SRCAP: variants seen among roughly 807,000 people sequenced by gnomAD.
SRCAP encodes Snf2 related CREBBP activator protein, also known as chromatin remodeling protein SRCAP.
SRCAP carries 46 observed loss-of-function variants against 263.1 expected under a neutral mutation model. That is an observed-to-expected ratio of 0.17 (90% CI 0.14 to 0.22). SRCAP has a LOEUF of 0.22. Among genes scored for constraint, SRCAP ranks in the 10% least tolerant of loss-of-function variants. The probability of loss-of-function intolerance (pLI) is 1.00; values close to 1 mark genes in which losing one functional copy is unlikely to be tolerated. For synonymous variants in SRCAP, 1,813 were observed against 1,662.1 expected (o/e 1.09, Z -2.21); for missense variants, 3,695 against 4,181.9 (o/e 0.88, Z 3.21).
chr16:30,710,267 C>T, intron 8 of SRCAP, 139 bp downstream of exon 8: 1 of 928,330 alleles, frequency 1.1e-6, no homozygotes, highest in Non-Finnish European at 1.6e-6. Flanking sequence ...TTGGGGATGA[C>T]TGGGGAAGAA....
At chr16:30,719,915 G>A (rs2052993264) in intron 18 of SRCAP, among the ~76,000 whole-genome samples, 1 of 152,278 alleles carries the variant, frequency 6.6e-6, no homozygotes, top group Admixed American at 6.5e-5. Flanking sequence ...CTCAGGTTGT[G>A]AGCATGGTAC....
At chr16:30,735,983 T>TA (rs2053157603) in intron 31 of SRCAP, among the ~76,000 whole-genome samples, 1 of 151,058 alleles carries the variant, frequency 6.6e-6, no homozygotes, top group South Asian at 2.1e-4. Context: ...ATCTCAAAAA[T>TA]ACTCATTTTT....
chr16:30,724,520 C>T lies in SRCAP; in HGVS notation c.5096C>T (p.Thr1699Ile). The T allele has an allele frequency of 6.2e-7, 1 of 1,614,220 alleles. No individual in the cohort carries two copies. The highest frequency in any genetic ancestry group is 1.6e-4 in the Middle Eastern group (1 of 6,062). Residue 1699 changes from threonine to isoleucine, a missense_variant, in exon 25 of 34, where the codon ACA (threonine) becomes ATA (isoleucine). By Grantham distance (89) the Thr-to-Ile change is moderately conservative. This residue lies in a region of SRCAP where 1,347 missense variants were observed against 1,304.4 expected (regional missense o/e 1.03). Transcript: ENST00000262518. ...CTTGGAGGCTCATCTCCATCTCAGA[C>T]ACTCTCTTTGGGAACGGGGAACCCC... ...PTLGGSSPSQ[T>I]LSLGTGNPQG...
chr16:30,739,370 G>T lies in SRCAP; in HGVS notation c.9330G>T (p.Val3110=), dbSNP rs1328966696. Residue 3110 remains valine (V), a synonymous_variant, in exon 34 of 34, where the codon GTG becomes GTT. Transcript: ENST00000262518. ...GPGGLELTPP[V]VSLTPKLRST... ...GCGGGTTGGAATTGACACCACCTGTGGTCTCACTAACCCCAAAACTGCGCT... is the reference window on the plus strand; with the variant it reads ...GCGGGTTGGAATTGACACCACCTGTTGTCTCACTAACCCCAAAACTGCGCT... 5 of 1,614,188 alleles carry T rather than the reference G, an allele frequency of 3.1e-6. No homozygotes were observed. Among genetic ancestry groups the T allele is most frequent in the South Asian group, 1.1e-5 (1 of 91,090 alleles).
At position 30,724,642 on chromosome 16, in the gene SRCAP, C is replaced by T. The variant is rs1461087565; in HGVS notation, c.5218C>T (p.Leu1740=). The stretch of plus-strand genomic sequence containing the variant: ...ACTGTCTTTGGCACCAGGACCACCA[C>T]TGGGTCCAACTCAGACGCTGTCTCT... ...QTLSLAPGPP[L]GPTQTLSLAP... is the part of the protein sequence containing the mutation. Residue 1740 remains leucine, a synonymous_variant, in exon 25 of 34, where the codon CTG becomes TTG. Coordinates refer to ENST00000262518, the MANE Select transcript of SRCAP (RefSeq NM_006662.3). 3.1e-6 allele frequency: 5 copies of T among 1,614,220 alleles called. No individual in the cohort carries two copies. Among genetic ancestry groups the T allele is most frequent in the Non-Finnish European group, 4.2e-6 (5 of 1,180,042 alleles).
chr16:30,723,499 G>C (rs2053031444), intron 24 of SRCAP, 85 bp from the exon 25 acceptor site: 1 of 1,523,690 alleles, frequency 6.6e-7, no homozygotes, highest in East Asian at 2.3e-5. Context: ...GAAATGGGAA[G>C]CTTGGGGGTA....
At position 30,723,782 on chromosome 16, in the gene SRCAP, C is replaced by T; in HGVS notation, c.4358C>T (p.Ala1453Val). 1 of 1,614,128 alleles carries T rather than the reference C, an allele frequency of 6.2e-7. No homozygotes were observed. The highest frequency in any genetic ancestry group is 1.1e-5 in the South Asian group (1 of 91,082). The change falls in exon 25 of 34, where the codon GCT (alanine) becomes GTT (valine). Residue 1453 changes from alanine to valine, a missense_variant. Ala to Val is a moderately conservative substitution (Grantham distance 64). Coordinates refer to ENST00000262518, the MANE Select transcript of SRCAP (RefSeq NM_006662.3). ...VPTTLPAPASAPLTIPISAPL... is the reference protein window; with the variant it reads ...VPTTLPAPASVPLTIPISAPL... ...ACCACACTTCCTGCCCCAGCCTCGG[C>T]TCCACTCACCATCCCCATCTCAGCC...
chr16:30,737,642 G>T lies in SRCAP; in HGVS notation c.7602G>T (p.Val2534=). 6.2e-7 allele frequency: 1 copy of T among 1,613,950 alleles called. No individual in the cohort carries two copies. The change falls in exon 34 of 34, where the codon GTG becomes GTT. Residue 2534 remains valine (V), a synonymous_variant. Transcript: ENST00000262518. ...SSPLLLGPPS[V]PISASVTNLP... is the part of the protein sequence containing the mutation. ...CTCTCTTGCTTGGTCCACCTTCTGT[G>T]CCCATCTCTGCCTCAGTCACTAATC...
intron 30 of SRCAP, 76 bp downstream of exon 30, chr16:30,734,084 A>G: frequency 7.4e-7 from 1 of 1,345,062 alleles, no homozygotes; most frequent in Non-Finnish European, 1.0e-6. Context: ...TTATTAAAGA[A>G]GACTGCTTTG....
chr16:30,714,676 A>G lies in SRCAP; in HGVS notation c.2493+965A>G, dbSNP rs757465760. On this transcript the variant is annotated intron_variant, in intron 16 of 33. Transcript: ENST00000262518. ...CTACGATGCCTAGCTAATGTTTGTT[A>G]TTTTTAGTAGAGGCGGATTTCGCCA... is the stretch of plus-strand genomic sequence containing the variant. 3.6e-4 allele frequency among the ~76,000 whole-genome samples: 54 copies of G among 150,268 alleles called. 1 individual carries two copies. Among genetic ancestry groups the G allele is most frequent in the Non-Finnish European group, 3.5e-4 (24 of 67,646 alleles).
At position 30,738,860 on chromosome 16, in the gene SRCAP, A is replaced by C; in HGVS notation, c.8820A>C (p.Gly2940=). 1 of 1,614,046 alleles carries C rather than the reference A, an allele frequency of 6.2e-7. No individual in the cohort carries two copies. Among genetic ancestry groups the C allele is most frequent in the Non-Finnish European group, 8.5e-7 (1 of 1,179,976 alleles). The change falls in exon 34 of 34, where the codon GGA becomes GGC. Residue 2940 remains glycine, a synonymous_variant. Coordinates refer to ENST00000262518, the MANE Select transcript of SRCAP (RefSeq NM_006662.3). ...CACCTGTGGAGAAAAGAAGGCGAGGACGACCCCCTAAAGCACGAGATTTGC... is the reference window on the plus strand; with the variant it reads ...CACCTGTGGAGAAAAGAAGGCGAGGCCGACCCCCTAAAGCACGAGATTTGC... ...LLSPVEKRRR[G]RPPKARDLPI...
At position 30,720,740 on chromosome 16, in the gene SRCAP, A is replaced by C; in HGVS notation, c.3015A>C (p.Glu1005Asp). ...TGCTGCAGCCAGTACCTAAGCAAGA[A>C]GGCCGGACAGTGGTGGTGGTGAACA... The part of the protein sequence containing the change: ...NRMLQPVPKQ[E>D]GRTVVVVNNP... Residue 1005 changes from glutamate (E) to aspartate (D), a missense_variant, in exon 20 of 34, where the codon GAA becomes GAC. Glu to Asp is a conservative substitution (Grantham distance 45). Coordinates refer to ENST00000262518, the MANE Select transcript of SRCAP (RefSeq NM_006662.3). The C allele has an allele frequency of 6.2e-7, 1 of 1,610,656 alleles. No individual in the cohort carries two copies. Among genetic ancestry groups the C allele is most frequent in the South Asian group, 1.1e-5 (1 of 90,732 alleles).
rs866072771 is a variant in SRCAP at position 30,739,666 on chromosome 16, G to T, written c.9626G>T (p.Arg3209Leu). The T allele has an allele frequency of 3.8e-6, 6 of 1,574,136 alleles. No homozygotes were observed. The highest frequency in any genetic ancestry group is 5.2e-6 in the Non-Finnish European group (6 of 1,161,788). ...AACCAAGGGGACCAGCGCATCCTGCGCAGCAGCGCCCCTCCCTCCCTGGCT... is the reference window on the plus strand; with the variant it reads ...AACCAAGGGGACCAGCGCATCCTGCTCAGCAGCGCCCCTCCCTCCCTGGCT... ...TTNQGDQRIL[R>L]SSAPPSLAGP... The change falls in exon 34 of 34, where the codon CGC becomes CTC. Residue 3209 changes from arginine (R) to leucine (L), a missense_variant. Coordinates refer to ENST00000262518, the MANE Select transcript of SRCAP (RefSeq NM_006662.3).
At chr16:30,731,405 C>G (rs896554191) in intron 27 of SRCAP, among the ~76,000 whole-genome samples, 1 of 152,042 alleles carries the variant, frequency 6.6e-6, no homozygotes, top group African/African-American at 2.4e-5. Context: ...GTTCCACAGC[C>G]CTGCACAGAC....
At chr16:30,708,957 T>C (rs774302276) in intron 6 of SRCAP, among the ~76,000 whole-genome samples, 4 of 152,178 alleles carry the variant, frequency 2.6e-5, no homozygotes, top group Non-Finnish European at 4.4e-5. Context: ...TAGCTGAGTT[T>C]ACAGGTGCCC....
Position 30,734,241 on chromosome 16 carries a change from G to C in SRCAP, c.6609+233G>C, listed in dbSNP as rs1021064939. On this transcript the variant is annotated intron_variant, in intron 30 of 33. Coordinates refer to ENST00000262518, the MANE Select transcript of SRCAP (RefSeq NM_006662.3). The stretch of plus-strand genomic sequence containing the variant: ...GCCTGTAATCCCAGCTGCTTGGAAG[G>C]CTGAGGCAGGAGAATCACTTGAACC... 4.8e-6 allele frequency: 3 copies of C among 625,946 alleles called. No homozygotes were observed. The African/African-American group carries it at 5.5e-5, about 12-fold the overall frequency. 38.8% of individuals were successfully genotyped at this position (625,946 alleles called of 1,614,324 possible). A position where few individuals can be genotyped will look rare whatever the true frequency, so the allele number is the denominator to read the frequency against.
At chr16:30,728,657 A>G (rs2151296199) in intron 25 of SRCAP, among the ~76,000 whole-genome samples, 1 of 152,350 alleles carries the variant, frequency 6.6e-6, no homozygotes, top group South Asian at 2.1e-4. Context: ...TTGGAATTGT[A>G]GATCTTAATT....
At chr16:30,735,917 T>G (rs1440729895) in intron 31 of SRCAP, among the ~76,000 whole-genome samples, 1 of 147,526 alleles carries the variant, frequency 6.8e-6, no homozygotes, top group Non-Finnish European at 1.5e-5. Flanking sequence ...TGTGGTGGCT[T>G]TTTTTTTTTT....
intron 4 of SRCAP, among the ~76,000 whole-genome samples, chr16:30,706,023 C>T (rs569498700): frequency 3.3e-5 from 5 of 152,258 alleles, no homozygotes; most frequent in South Asian, 2.1e-4. Flanking sequence ...CAGATGATTC[C>T]GGTGCCTCCT....
Sources: allele counts gnomAD v4.1 joint callset (sites outside exome capture counted in the v4.1 genomes callset), GRCh38; gene constraint gnomAD v4.1.1; regional missense constraint gnomAD v4.1.1; transcripts MANE v1.5; gene names NCBI Gene and HGNC (gene_info 2026-07-23, HGNC 2026-07-21).